The following PRKCE variants were observed in gnomAD, a reference collection of about 807,000 sequenced individuals.
The protein encoded by PRKCE is protein kinase C epsilon type.
Under a neutral mutation model 85.4 loss-of-function variants are expected in PRKCE, and 16 were observed. The observed-to-expected ratio is 0.19, with a 90% CI of 0.13 to 0.28. The LOEUF (loss-of-function observed/expected upper bound fraction) is 0.28, where lower values mean the gene tolerates loss of function less well. Among genes scored for constraint, PRKCE ranks in the 10% least tolerant of loss-of-function variants. The probability of loss-of-function intolerance (pLI) is 1.00; values close to 1 mark genes in which losing one functional copy is unlikely to be tolerated. For synonymous variants in PRKCE, 388 were observed against 371.5 expected, an observed-to-expected ratio of 1.04 and a Z score of -0.51; for missense variants, 573 against 975.2, an observed-to-expected ratio of 0.59 and a Z score of 5.49.
At chr2:45,874,368 A>C (rs1202516374) in intron 2 of PRKCE, among the ~76,000 whole-genome samples, 5 of 152,156 alleles carry the variant, frequency 3.3e-5, no homozygotes, top group African/African-American at 9.7e-5. Context: ...CCTGCCCTGA[A>C]CTTGTGCCTG....
intron 5 of PRKCE, among the ~76,000 whole-genome samples, chr2:45,983,129 C>T (rs1433585846): frequency 6.6e-6 from 1 of 152,212 alleles, no homozygotes; most frequent in Non-Finnish European, 1.5e-5. Flanking sequence ...CAGGCAAGAC[C>T]TCAAGTGGTA....
chr2:46,020,669 A>G (rs1706572685), intron 10 of PRKCE, among the ~76,000 whole-genome samples: 1 of 152,232 alleles, frequency 6.6e-6, no homozygotes, highest in Non-Finnish European at 1.5e-5. Context: ...TGACAGATGT[A>G]GAGGCCTGTG....
intron 1 of PRKCE, among the ~76,000 whole-genome samples, chr2:45,722,300 G>A (rs367690670): frequency 6.6e-6 from 1 of 152,204 alleles, no homozygotes; most frequent in African/African-American, 2.4e-5. Context: ...TGGCTTCATA[G>A]GAGTCAGCTG....
chr2:45,764,021 A>G (rs1684720373), intron 1 of PRKCE, among the ~76,000 whole-genome samples: 1 of 152,208 alleles, frequency 6.6e-6, no homozygotes, highest in Non-Finnish European at 1.5e-5. Context: ...TATCAACCAC[A>G]GAATCTCAAA....
At chr2:45,919,329 G>T (rs1235690076) in intron 2 of PRKCE, among the ~76,000 whole-genome samples, 2 of 152,192 alleles carry the variant, frequency 1.3e-5, no homozygotes, top group Non-Finnish European at 2.9e-5. Flanking sequence ...CTGCAGGCTT[G>T]GAGACGGACA....
intron 1 of PRKCE, among the ~76,000 whole-genome samples, chr2:45,666,068 G>A (rs1455387040): frequency 6.6e-6 from 1 of 152,108 alleles, no homozygotes; most frequent in African/African-American, 2.4e-5. Flanking sequence ...CTACAGGACC[G>A]CTTCCTTCTC....
At chr2:45,785,539 TG>T (rs1268765588) in intron 1 of PRKCE, among the ~76,000 whole-genome samples, 4 of 150,826 alleles carry the variant, frequency 2.7e-5, no homozygotes, top group African/African-American at 9.8e-5. Flanking sequence ...ACATATATGG[TG>T]AAAGCTGGAG....
chr2:45,789,750 G>A (rs142693590), intron 1 of PRKCE, among the ~76,000 whole-genome samples: 1 of 152,292 alleles, frequency 6.6e-6, no homozygotes, highest in East Asian at 1.9e-4. Context: ...TTTTTAATGA[G>A]CAGTCAGGGC....
At chr2:46,098,937 A>C (rs1670955733) in intron 11 of PRKCE, among the ~76,000 whole-genome samples, 1 of 152,008 alleles carries the variant, frequency 6.6e-6, no homozygotes, top group Non-Finnish European at 1.5e-5. Flanking sequence ...TGGGGTGAGG[A>C]GGAGAGTGGT....
chr2:45,863,203 G>A (rs1693310697), intron 2 of PRKCE, among the ~76,000 whole-genome samples: 2 of 152,068 alleles, frequency 1.3e-5, no homozygotes, highest in South Asian at 4.1e-4. Context: ...CTACTGTCTA[G>A]GGTCTAGGAT....
chr2:46,172,488 G>GGCCTGGGCGT (rs142143893), intron 14 of PRKCE, among the ~76,000 whole-genome samples: 1 of 145,452 alleles, frequency 6.9e-6, no homozygotes, highest in Non-Finnish European at 1.5e-5. Context: ...GGCCTGGGCG[G>GGCCTGGGCGT]GCCTGGGCGT....
chr2:45,838,581 A>G (rs1237195575), intron 1 of PRKCE, among the ~76,000 whole-genome samples: 2 of 152,094 alleles, frequency 1.3e-5, no homozygotes. Context: ...GGTGCATACA[A>G]TACTCTTACC....
At chr2:45,860,066 G>A (rs913674601) in intron 2 of PRKCE, among the ~76,000 whole-genome samples, 1 of 152,064 alleles carries the variant, frequency 6.6e-6, no homozygotes, top group Non-Finnish European at 1.5e-5. Flanking sequence ...TATTAAACTA[G>A]TATCAGTTTG....
Position 45,920,216 on chromosome 2 carries a change from C to G in PRKCE, c.413-56213C>G, listed in dbSNP as rs1022838099. 3.9e-5 allele frequency among the ~76,000 whole-genome samples: 6 copies of G among 152,176 alleles called. No individual in the cohort carries two copies. The East Asian group carries it at 7.7e-4, about 20-fold the overall frequency. ...TATCTTAAGGTCTAATGGAGGAAAACAAAGTGACATCAGCTTGAGGATAAA... is the reference window on the plus strand; with the variant it reads ...TATCTTAAGGTCTAATGGAGGAAAAGAAAGTGACATCAGCTTGAGGATAAA... On this transcript the variant is annotated intron_variant, in intron 2 of 14. Transcript: ENST00000306156.
At chr2:45,866,565 C>T (rs1693631957) in intron 2 of PRKCE, among the ~76,000 whole-genome samples, 1 of 152,224 alleles carries the variant, frequency 6.6e-6, no homozygotes. Flanking sequence ...CCTTGGCCTA[C>T]CAAAGTGCTG....
At chr2:46,182,109 G>C (rs1680037977) in intron 14 of PRKCE, among the ~76,000 whole-genome samples, 1 of 152,058 alleles carries the variant, frequency 6.6e-6, no homozygotes, top group Non-Finnish European at 1.5e-5. Flanking sequence ...AGCTCCCCCG[G>C]CGTGGATGCT....
At chr2:46,165,538 C>A (rs1387738202) in intron 14 of PRKCE, among the ~76,000 whole-genome samples, 1 of 152,254 alleles carries the variant, frequency 6.6e-6, no homozygotes, top group East Asian at 1.9e-4. Context: ...ATTCACTGGT[C>A]TATCCCATTG....
intron 2 of PRKCE, among the ~76,000 whole-genome samples, chr2:45,969,499 A>G (rs897371718): frequency 3.9e-4 from 60 of 152,184 alleles, no homozygotes; most frequent in African/African-American, 1.4e-3. Context: ...GTGAACGGGC[A>G]TGGATCCGGC....
At chr2:46,046,258 C>A (rs1447456731) in intron 10 of PRKCE, among the ~76,000 whole-genome samples, 1 of 152,234 alleles carries the variant, frequency 6.6e-6, no homozygotes, top group African/African-American at 2.4e-5. Context: ...GTTGGCTGAG[C>A]AGCCAGCCTC....
Sources: allele counts gnomAD v4.1 joint callset (sites outside exome capture counted in the v4.1 genomes callset), GRCh38; gene constraint gnomAD v4.1.1; transcripts MANE v1.5; gene names NCBI Gene and HGNC (gene_info 2026-07-23, HGNC 2026-07-21).